CFAP299: variants seen among roughly 807,000 people sequenced by gnomAD.
CFAP299 encodes the protein cilia and flagella associated protein 299, also known as cilia- and flagella-associated protein 299.
CFAP299 carries 21 observed loss-of-function variants against 27.0 expected under a neutral mutation model. That is an observed-to-expected ratio of 0.78 (90% confidence interval 0.55 to 1.12). CFAP299 has a LOEUF of 1.12. Among genes scored for constraint, CFAP299 ranks in the 50% most tolerant of loss-of-function variants. The pLI is 0.00. For missense variants in CFAP299, 310 were observed against 276.6 expected, an observed-to-expected ratio of 1.12 and a Z score of -0.86; for synonymous variants, 104 against 98.1, an observed-to-expected ratio of 1.06 and a Z score of -0.36.
intron 4 of CFAP299, among the ~76,000 whole-genome samples, chr4:80,887,045 G>GA (rs201985477): frequency 0.016 from 2,388 of 150,962 alleles, 64 homozygotes; most frequent in African/African-American, 0.054. Flanking sequence ...GGAGACAAAA[G>GA]AAAAAAAATA....
chr4:80,447,143 T>G (rs1262962432), intron 2 of CFAP299, among the ~76,000 whole-genome samples: 10 of 136,696 alleles, frequency 7.3e-5, no homozygotes, highest in South Asian at 5.1e-4. Context: ...TTTTTTTTTT[T>G]TTTTTTTTTT....
intron 3 of CFAP299, among the ~76,000 whole-genome samples, chr4:80,770,033 G>T (rs559551741): frequency 2.6e-5 from 4 of 152,214 alleles, no homozygotes; most frequent in Non-Finnish European, 4.4e-5. Flanking sequence ...AACTTTCAGA[G>T]CTGAGTAGTT....
At position 80,422,536 on chromosome 4, in the gene CFAP299, C is replaced by T. The variant is rs1465469409; in HGVS notation, c.242+59652C>T. Among the ~76,000 whole-genome samples, 4 of 152,124 alleles carry T rather than the reference C, an allele frequency of 2.6e-5. No individual in the cohort carries two copies. The East Asian group carries it at 7.7e-4, about 29-fold the overall frequency. On this transcript the variant is annotated intron_variant, in intron 2 of 5. Transcript: ENST00000358105. ...TCTGCTTTTTCTCATCCTGTTCTTT[C>T]TTTTTTACATGGAATTACTGAATTT...
At chr4:80,921,704 A>G (rs954255992) in intron 4 of CFAP299, among the ~76,000 whole-genome samples, 1 of 152,048 alleles carries the variant, frequency 6.6e-6, no homozygotes, top group Non-Finnish European at 1.5e-5. Context: ...TGTGTGTGCA[A>G]AACACCCCTG....
At chr4:80,900,583 G>C (rs1043192136) in intron 4 of CFAP299, among the ~76,000 whole-genome samples, 9 of 152,110 alleles carry the variant, frequency 5.9e-5, no homozygotes, top group African/African-American at 1.9e-4. Flanking sequence ...GGTAAAATAT[G>C]TTCAATAAGA....
At chr4:80,660,776 C>T (rs1413690972) in intron 3 of CFAP299, among the ~76,000 whole-genome samples, 5 of 151,928 alleles carry the variant, frequency 3.3e-5, no homozygotes, top group South Asian at 2.1e-4. Context: ...ACAAAGGGCT[C>T]GATTGAGTTT....
intron 2 of CFAP299, among the ~76,000 whole-genome samples, chr4:80,452,217 A>G (rs1469886477): frequency 6.6e-6 from 1 of 151,462 alleles, no homozygotes; most frequent in Non-Finnish European, 1.5e-5. Flanking sequence ...CTTTACTTAC[A>G]TTAAAGGAAC....
chr4:80,796,682 G>C (rs1393872395), intron 3 of CFAP299, among the ~76,000 whole-genome samples: 1 of 152,162 alleles, frequency 6.6e-6, no homozygotes, highest in Non-Finnish European at 1.5e-5. Context: ...TCTGTCTTCT[G>C]TACAGGCCAA....
At chr4:80,394,580 C>G (rs1725674677) in intron 2 of CFAP299, among the ~76,000 whole-genome samples, 1 of 151,936 alleles carries the variant, frequency 6.6e-6, no homozygotes, top group Non-Finnish European at 1.5e-5. Context: ...AGTCATTAAT[C>G]CATTTTGAGT....
chr4:80,529,586 C>T (rs892560599), intron 2 of CFAP299, among the ~76,000 whole-genome samples: 1 of 152,048 alleles, frequency 6.6e-6, no homozygotes, highest in Non-Finnish European at 1.5e-5. Context: ...TGAGTGGCTA[C>T]CATAATATAT....
chr4:80,939,306 A>G (rs538105728), intron 4 of CFAP299, among the ~76,000 whole-genome samples: 1 of 152,230 alleles, frequency 6.6e-6, no homozygotes, highest in South Asian at 2.1e-4. Flanking sequence ...TATACTACAT[A>G]TACTGTCTCA....
At chr4:80,806,422 C>G (rs1022344341) in intron 3 of CFAP299, among the ~76,000 whole-genome samples, 4 of 151,998 alleles carry the variant, frequency 2.6e-5, no homozygotes, top group Non-Finnish European at 2.9e-5. Context: ...AATACAGAAC[C>G]AAAATATAAT....
intron 3 of CFAP299, among the ~76,000 whole-genome samples, chr4:80,702,277 C>T (rs1018091846): frequency 1.3e-5 from 2 of 151,656 alleles, no homozygotes; most frequent in African/African-American, 2.4e-5. Flanking sequence ...TTTTGACATG[C>T]ATTTCATGAA....
chr4:80,928,755 G>A (rs1452703628), intron 4 of CFAP299, among the ~76,000 whole-genome samples: 2 of 152,018 alleles, frequency 1.3e-5, no homozygotes, highest in Admixed American at 6.6e-5. Context: ...TAAGATAAAT[G>A]TACACTAGTC....
intron 4 of CFAP299, among the ~76,000 whole-genome samples, chr4:80,916,252 AATATATATATATATATATATATAT>A (rs10696316): frequency 0.11 from 6,411 of 61,028 alleles, 873 homozygotes; most frequent in African/African-American, 0.28. Flanking sequence ...ACTAGACTGA[AATATATATATATATATATATATAT>A]ATATATATAT....
intron 3 of CFAP299, among the ~76,000 whole-genome samples, chr4:80,800,271 A>G (rs1326891259): frequency 4.2e-5 from 3 of 71,640 alleles, no homozygotes; most frequent in South Asian, 4.5e-4. Flanking sequence ...TAAATAAAAT[A>G]TATATAATAT....
At chr4:80,926,912 C>T (rs1028214139) in intron 4 of CFAP299, among the ~76,000 whole-genome samples, 2 of 151,998 alleles carry the variant, frequency 1.3e-5, no homozygotes, top group South Asian at 2.1e-4. Flanking sequence ...ACTAGCTGGT[C>T]GAACAGCTGT....
chr4:80,629,794 C>T (rs1376203432), intron 3 of CFAP299, among the ~76,000 whole-genome samples: 1 of 150,560 alleles, frequency 6.6e-6, no homozygotes, highest in African/African-American at 2.4e-5. Context: ...GCAGGAGAAT[C>T]GCTGGAGCCA....
intron 3 of CFAP299, among the ~76,000 whole-genome samples, chr4:80,771,900 T>C (rs1726237969): frequency 6.6e-6 from 1 of 152,210 alleles, no homozygotes; most frequent in Admixed American, 6.5e-5. Flanking sequence ...CAAAGCAGTC[T>C]GTGAATGTTA....
Sources: allele counts gnomAD v4.1 joint callset (sites outside exome capture counted in the v4.1 genomes callset), GRCh38; gene constraint gnomAD v4.1.1; transcripts MANE v1.5; gene names NCBI Gene and HGNC (gene_info 2026-07-23, HGNC 2026-07-21).